Variants in ZMYM4 observed in about 807,000 individuals in gnomAD.
ZMYM4 encodes the protein zinc finger MYM-type protein 4.
ZMYM4 carries 31 observed loss-of-function variants against 183.2 expected under a neutral mutation model. That is an observed-to-expected ratio of 0.17 (90% confidence interval 0.13 to 0.23). The LOEUF (loss-of-function observed/expected upper bound fraction) is 0.23. Among genes scored for constraint, ZMYM4 ranks in the 10% least tolerant of loss-of-function variants. The pLI is 1.00. For missense variants in ZMYM4, 1,273 were observed against 1,840.3 expected (o/e 0.69, Z 5.64); for synonymous variants, 592 against 631.2 (o/e 0.94, Z 0.93).
chr1:35,370,278 G>C, intron 6 of ZMYM4, 94 bp from the exon 7 acceptor site: 1 of 1,443,720 alleles, frequency 6.9e-7, no homozygotes, highest in Non-Finnish European at 9.1e-7. Context: ...AGTTCTAGAA[G>C]AGAAAGAAAG....
Position 35,324,441 on chromosome 1 carries a change from T to TG in ZMYM4, c.40-917dup, listed in dbSNP as rs140295235. Among the ~76,000 whole-genome samples, 1,109 of 152,286 alleles carry TG rather than the reference T, an allele frequency of 7.3e-3. 7 individuals carry two copies. The highest frequency in any genetic ancestry group is 0.011 in the Non-Finnish European group (745 of 68,010). ...AGTTACTTGTTTCCTTCTGGAGTGG[T>TG]GGTTCTGTTTGTTTACCTTGAACTT... On this transcript the variant is annotated intron_variant, in intron 1 of 29. Coordinates refer to ENST00000314607, the MANE Select transcript of ZMYM4 (RefSeq NM_005095.3).
chr1:35,299,122 T>C (rs1641156642), intron 1 of ZMYM4, among the ~76,000 whole-genome samples: 2 of 151,726 alleles, frequency 1.3e-5, no homozygotes, highest in African/African-American at 4.8e-5. Flanking sequence ...CCTGCCCCAG[T>C]CTCTTGAGTA....
intron 2 of ZMYM4, among the ~76,000 whole-genome samples, chr1:35,346,691 A>C (rs1430049121): frequency 1.3e-5 from 2 of 151,664 alleles, no homozygotes; most frequent in African/African-American, 2.4e-5. Flanking sequence ...AGAGAAAGAA[A>C]TAGTTCTATA....
At position 35,393,519 on chromosome 1, in the gene ZMYM4, T is replaced by C. The variant is rs1462317168; in HGVS notation, c.2767-76T>C. 2.3e-6 allele frequency: 3 copies of C among 1,322,996 alleles called. No homozygotes were observed. The East Asian group carries it at 7.7e-5, about 34-fold the overall frequency. 82.0% of individuals were successfully genotyped at this position (1,322,996 alleles called of 1,614,324 possible). A position where few individuals can be genotyped will look rare whatever the true frequency, so the allele number is the denominator to read the frequency against. ...TGTAATTCCAATATGACATTTCCTT[T>C]AATATTATAATATTTCTTATAATTA... On this transcript the variant is annotated intron_variant, in intron 17 of 29. Coordinates refer to ENST00000314607, the MANE Select transcript of ZMYM4 (RefSeq NM_005095.3).
chr1:35,319,951 A>G (rs1642214377), intron 1 of ZMYM4, among the ~76,000 whole-genome samples: 1 of 152,242 alleles, frequency 6.6e-6, no homozygotes, highest in African/African-American at 2.4e-5. Context: ...TGATTCTTTT[A>G]TTTAGCAAAG....
At chr1:35,416,400 T>C (rs1481298957) in intron 28 of ZMYM4, among the ~76,000 whole-genome samples, 1 of 152,238 alleles carries the variant, frequency 6.6e-6, no homozygotes, top group African/African-American at 2.4e-5. Context: ...TGTGAGAATT[T>C]AAATCACTGA....
At chr1:35,388,783 C>T in intron 13 of ZMYM4, 127 bp from the exon 14 acceptor site, 1 of 809,552 alleles carries the variant, frequency 1.2e-6, no homozygotes, top group Non-Finnish European at 1.9e-6. Context: ...AGCACTCCTC[C>T]CGCCAGCCTC....
chr1:35,373,676 A>T (rs1414650461), intron 7 of ZMYM4, among the ~76,000 whole-genome samples: 1 of 150,632 alleles, frequency 6.6e-6, no homozygotes, highest in Non-Finnish European at 1.5e-5. Context: ...TACAGGCGTG[A>T]GCCACCGCGC....
chr1:35,279,168 C>T (rs916418348), intron 1 of ZMYM4, among the ~76,000 whole-genome samples: 1 of 152,142 alleles, frequency 6.6e-6, no homozygotes, highest in Non-Finnish European at 1.5e-5. Context: ...TTTACTTTTC[C>T]CTGAAGGGTT....
chr1:35,306,655 C>G (rs1557962693), intron 1 of ZMYM4, among the ~76,000 whole-genome samples: 1 of 152,102 alleles, frequency 6.6e-6, no homozygotes, highest in Non-Finnish European at 1.5e-5. Context: ...TGATAAAGTT[C>G]AAAATCATTC....
chr1:35,314,153 G>A (rs1249677874), intron 1 of ZMYM4, among the ~76,000 whole-genome samples: 3 of 152,006 alleles, frequency 2.0e-5, no homozygotes, highest in Non-Finnish European at 2.9e-5. Context: ...GTTTCTTTGA[G>A]GAATGCCATG....
intron 1 of ZMYM4, among the ~76,000 whole-genome samples, chr1:35,299,546 A>C (rs1022234553): frequency 3.3e-5 from 5 of 152,202 alleles, no homozygotes; most frequent in Admixed American, 6.5e-5. Flanking sequence ...GGCTGAAGTT[A>C]AGTTACAAAA....
chr1:35,304,167 G>A (rs939263603), intron 1 of ZMYM4, among the ~76,000 whole-genome samples: 1 of 151,870 alleles, frequency 6.6e-6, no homozygotes, highest in African/African-American at 2.4e-5. Flanking sequence ...TGGGATTACC[G>A]GTGCATACCA....
intron 2 of ZMYM4, among the ~76,000 whole-genome samples, chr1:35,352,396 A>G (rs974061183): frequency 1.3e-5 from 2 of 151,508 alleles, no homozygotes; most frequent in Admixed American, 6.6e-5. Flanking sequence ...GCACACACAC[A>G]CACACACACA....
chr1:35,389,653 G>A lies in ZMYM4; in HGVS notation c.2437-295G>A, dbSNP rs1186846183. Among the ~76,000 whole-genome samples, 1 of 151,912 alleles carries A rather than the reference G, an allele frequency of 6.6e-6. No homozygotes were observed. Among genetic ancestry groups the A allele is most frequent in the East Asian group, 1.9e-4 (1 of 5,164 alleles). ...GCCTGTAGTCCCAGCTACCTGGGAG[G>A]CTGAGGCAGGAGAATTGCATGAACC... On this transcript the variant is annotated intron_variant, in intron 14 of 29. Transcript: ENST00000314607. This position sits in a 1 kb window ranked among gnomAD's most constrained non-coding sequence, Gnocchi z 4.0.
At chr1:35,385,949 G>T in intron 10 of ZMYM4, 125 bp from the exon 11 acceptor site, 1 of 603,418 alleles carries the variant, frequency 1.7e-6, no homozygotes, top group South Asian at 3.2e-5. Flanking sequence ...ACATGATTTA[G>T]TTTCAGTTCC....
chr1:35,319,425 C>T (rs566149599), intron 1 of ZMYM4, among the ~76,000 whole-genome samples: 2 of 152,054 alleles, frequency 1.3e-5, no homozygotes, highest in Non-Finnish European at 2.9e-5. Flanking sequence ...AGTTCAAGAC[C>T]AGCCTGGGCA....
At chr1:35,309,171 TATTA>T in intron 1 of ZMYM4, 5 of 486,098 alleles carry the variant, frequency 1.0e-5, no homozygotes, top group Non-Finnish European at 1.3e-5. Flanking sequence ...CATTTTATAA[TATTA>T]ATTTTATAAT....
chr1:35,402,566 C>T (rs1170210250), intron 23 of ZMYM4, among the ~76,000 whole-genome samples: 2 of 152,030 alleles, frequency 1.3e-5, no homozygotes, highest in Non-Finnish European at 2.9e-5. Context: ...CTGCAGTAAG[C>T]CCTGATCATG....
Sources: gnomAD v4.1 joint callset for allele counts (sites outside exome capture counted in the v4.1 genomes callset) on GRCh38, gnomAD v4.1.1 for gene constraint, Gnocchi (gnomAD v3.1) non-coding constraint, MANE v1.5 for transcripts, NCBI Gene and HGNC (gene_info 2026-07-23, HGNC 2026-07-21) for gene names.